The following PSD3 variants were observed in gnomAD, a reference collection of about 807,000 sequenced individuals.
PSD3 encodes the protein pleckstrin and Sec7 domain containing 3.
Under a neutral mutation model 105.5 loss-of-function variants are expected in PSD3, and 49 were observed. That is an observed-to-expected ratio of 0.46 (90% CI 0.37 to 0.59). The LOEUF (loss-of-function observed/expected upper bound fraction) is 0.59. Ranked by LOEUF, PSD3 falls within the 20% of genes least tolerant of loss-of-function variation. The probability of loss-of-function intolerance (pLI) is 0.00; values close to 1 mark genes in which losing one functional copy is unlikely to be tolerated. For missense variants in PSD3, 1,561 were observed against 1,263.8 expected (o/e 1.24, Z -3.57); for synonymous variants, 557 against 457.8 (o/e 1.22, Z -2.77).
chr8:18,959,770 A>G (rs1166402922), intron 1 of PSD3, among the ~76,000 whole-genome samples: 1 of 152,210 alleles, frequency 6.6e-6, no homozygotes, highest in East Asian at 1.9e-4. Context: ...AAGCCACGCC[A>G]GCAAGGCCAG....
intron 1 of PSD3, among the ~76,000 whole-genome samples, chr8:19,065,053 C>A (rs1029464225): frequency 1.3e-5 from 2 of 152,122 alleles, no homozygotes; most frequent in Non-Finnish European, 2.9e-5. Context: ...TCACAGCAAC[C>A]ACTAGGAAGG....
At chr8:18,762,047 T>C (rs1281502003) in intron 9 of PSD3, among the ~76,000 whole-genome samples, 1 of 152,196 alleles carries the variant, frequency 6.6e-6, no homozygotes, top group East Asian at 1.9e-4. Context: ...ACAAGTCTTT[T>C]ACCTATACTT....
intron 4 of PSD3, among the ~76,000 whole-genome samples, chr8:18,809,247 G>C (rs924434041): frequency 1.3e-5 from 2 of 152,086 alleles, no homozygotes; most frequent in African/African-American, 4.8e-5. Context: ...AGCCTAGTAA[G>C]GTTGCAAATA....
chr8:18,948,125 T>C (rs770392038), intron 1 of PSD3, among the ~76,000 whole-genome samples: 1 of 152,196 alleles, frequency 6.6e-6, no homozygotes, highest in African/African-American at 2.4e-5. Context: ...ATAAACCTAG[T>C]GATTCAAGAC....
intron 14 of PSD3, among the ~76,000 whole-genome samples, chr8:18,559,562 A>G (rs542701498): frequency 1.1e-4 from 16 of 152,320 alleles, no homozygotes; most frequent in African/African-American, 3.4e-4. Flanking sequence ...TTAGAATCCA[A>G]TGATAGAATC....
In PSD3 at chr8:18,632,595, A is replaced by T. The variant is rs1272302013; in HGVS notation, c.2410+18T>A. On this transcript the variant is annotated intron_variant, in intron 11 of 15. Coordinates refer to ENST00000327040, the MANE Select transcript of PSD3 (RefSeq NM_015310.4). Reference sequence around the variant, plus strand: ...GATAAAATAAATGAAATAGAAAATGACAACGCATGATACTTACTCTTCTTT... The same window carrying T: ...GATAAAATAAATGAAATAGAAAATGTCAACGCATGATACTTACTCTTCTTT... The T allele has an allele frequency of 3.2e-6, 5 of 1,585,274 alleles. No homozygotes were observed. Among genetic ancestry groups the T allele is most frequent in the Non-Finnish European group, 4.3e-6 (5 of 1,168,228 alleles).
At chr8:18,577,467 T>C (rs1173592644) in intron 12 of PSD3, among the ~76,000 whole-genome samples, 1 of 152,082 alleles carries the variant, frequency 6.6e-6, no homozygotes, top group Non-Finnish European at 1.5e-5. Context: ...TTCAGACACG[T>C]ATATTAACCT....
At chr8:18,674,242 G>T (rs1197578802) in intron 9 of PSD3, among the ~76,000 whole-genome samples, 1 of 152,174 alleles carries the variant, frequency 6.6e-6, no homozygotes, top group Non-Finnish European at 1.5e-5. Flanking sequence ...GGCTTTAAAG[G>T]GCTGTCCTCG....
chr8:18,884,102 G>C (rs1018240775), intron 2 of PSD3, among the ~76,000 whole-genome samples: 7 of 152,086 alleles, frequency 4.6e-5, no homozygotes, highest in Non-Finnish European at 1.0e-4. Context: ...AGGAAAAAGA[G>C]TGACCACTCT....
chr8:18,591,823 G>C (rs1442428147), intron 12 of PSD3, among the ~76,000 whole-genome samples: 3 of 152,130 alleles, frequency 2.0e-5, no homozygotes, highest in African/African-American at 7.2e-5. Flanking sequence ...GTAGCTTCCT[G>C]CTCTAAAATC....
At chr8:18,737,430 T>C (rs1433883817) in intron 9 of PSD3, among the ~76,000 whole-genome samples, 1 of 152,128 alleles carries the variant, frequency 6.6e-6, no homozygotes, top group Non-Finnish European at 1.5e-5. Context: ...GCTCAAGCGA[T>C]CCTCCCACCT....
intron 1 of PSD3, among the ~76,000 whole-genome samples, chr8:19,025,367 G>T (rs1021558032): frequency 6.6e-6 from 1 of 150,504 alleles, no homozygotes; most frequent in Non-Finnish European, 1.5e-5. Context: ...TCCAAACCCC[G>T]TTGGGCATGA....
At chr8:18,565,194 C>T (rs1801659807) in intron 14 of PSD3, among the ~76,000 whole-genome samples, 1 of 152,082 alleles carries the variant, frequency 6.6e-6, no homozygotes. Flanking sequence ...CTGCAAGTCC[C>T]GACATAGCTG....
In PSD3 at chr8:18,824,805, G is replaced by A. The variant is rs117291457; in HGVS notation, c.1635-19907C>T. Among the ~76,000 whole-genome samples the A allele has an allele frequency of 5.8e-3, 880 of 152,236 alleles. 1 individual carries two copies. The highest frequency in any genetic ancestry group is 8.9e-3 in the Non-Finnish European group (604 of 68,016). On this transcript the variant is annotated intron_variant, in intron 4 of 15. Coordinates refer to ENST00000327040, the MANE Select transcript of PSD3 (RefSeq NM_015310.4). ...AAGAGTCAAATTAGATCCCTAGGCAGAGTATCAATAACACACAGTACTTCA... is the reference window on the plus strand; with the variant it reads ...AAGAGTCAAATTAGATCCCTAGGCAAAGTATCAATAACACACAGTACTTCA...
chr8:18,827,297 G>A (rs1303614885), intron 4 of PSD3, among the ~76,000 whole-genome samples: 1 of 152,178 alleles, frequency 6.6e-6, no homozygotes, highest in Non-Finnish European at 1.5e-5. Flanking sequence ...TTTACCAGGT[G>A]GAGAGAAAGG....
intron 2 of PSD3, among the ~76,000 whole-genome samples, chr8:18,913,809 A>G (rs1406757606): frequency 6.6e-6 from 1 of 150,444 alleles, no homozygotes; most frequent in Non-Finnish European, 1.5e-5. Context: ...TACCTCTACC[A>G]CTACAGACTC....
intron 12 of PSD3, among the ~76,000 whole-genome samples, chr8:18,577,587 G>A (rs918153829): frequency 1.4e-5 from 2 of 139,706 alleles, no homozygotes; most frequent in Non-Finnish European, 3.1e-5. Flanking sequence ...ATAACTATGT[G>A]CCACTTATTA....
At chr8:18,616,525 C>G (rs1336598711) in intron 11 of PSD3, among the ~76,000 whole-genome samples, 1 of 152,104 alleles carries the variant, frequency 6.6e-6, no homozygotes, top group Non-Finnish European at 1.5e-5. Flanking sequence ...ACCATCTATT[C>G]TCGCTCTCAT....
intron 2 of PSD3, among the ~76,000 whole-genome samples, chr8:18,920,115 A>T (rs1341033470): frequency 6.6e-6 from 1 of 151,876 alleles, no homozygotes; most frequent in African/African-American, 2.4e-5. Context: ...GCAGGTTCAC[A>T]ATGATCATTT....
Sources: gnomAD v4.1 joint callset for allele counts (sites outside exome capture counted in the v4.1 genomes callset) on GRCh38, gnomAD v4.1.1 for gene constraint, MANE v1.5 for transcripts, NCBI Gene and HGNC (gene_info 2026-07-23, HGNC 2026-07-21) for gene names.